RARA: variants seen among roughly 807,000 people sequenced by gnomAD.
The protein encoded by RARA is PML-DDX5-RARA fusion.
RARA carries 5 observed loss-of-function variants against 42.8 expected under a neutral mutation model. The ratio of observed to expected loss-of-function variants is 0.12; its 90% CI spans 0.06 to 0.25. RARA has a LOEUF of 0.25. Among genes scored for constraint, RARA ranks in the 10% least tolerant of loss-of-function variants. The probability of loss-of-function intolerance (pLI) is 1.00; values close to 1 mark genes in which losing one functional copy is unlikely to be tolerated. For missense variants in RARA, 402 were observed against 628.7 expected (o/e 0.64, Z 3.86); for synonymous variants, 256 against 259.5 (o/e 0.99, Z 0.13).
chr17:40,355,335 A>G lies in RARA; in HGVS notation c.1085A>G (p.Tyr362Cys). The G allele has an allele frequency of 6.2e-7, 1 of 1,612,688 alleles. No homozygotes were observed. The highest frequency in any genetic ancestry group is 8.5e-7 in the Non-Finnish European group (1 of 1,179,430). Residue 362 changes from tyrosine to cysteine, a missense_variant, in exon 8 of 9, where the codon TAC (tyrosine) becomes TGC (cysteine). This residue lies in a region of RARA where 104 missense variants were observed against 160.1 expected (regional missense o/e 0.65). Transcript: ENST00000254066. The surrounding 1 kb of genome is among the most constrained non-coding windows in gnomAD (Gnocchi z 4.1). Reference protein sequence around the residue: ...QEPLLEALKVYVRKRRPSRPH... With the variant: ...QEPLLEALKVCVRKRRPSRPH... ...CCGCTGCTGGAGGCGCTAAAGGTCT[A>G]CGTGCGGAAGCGGAGGCCCAGCCGC... is the stretch of plus-strand genomic sequence containing the variant.
intron 1 of RARA, among the ~76,000 whole-genome samples, chr17:40,316,600 G>A (rs2033218607): frequency 6.6e-6 from 1 of 152,222 alleles, no homozygotes; most frequent in African/African-American, 2.4e-5. Flanking sequence ...GGAGGTGTCC[G>A]TGGGCACTAG....
At chr17:40,348,651 A>G in intron 3 of RARA, 187 bp downstream of exon 3, 1 of 653,742 alleles carries the variant, frequency 1.5e-6, no homozygotes, top group South Asian at 2.6e-5. Context: ...ATAAATGTGC[A>G]GGGCTCCCTC....
chr17:40,354,579 C>T lies in RARA; in HGVS notation c.1012+73C>T, dbSNP rs935298308. Reference sequence around the variant, plus strand: ...GCCCTGGAGTCTCTTCCAGGGAGCTCTTTCAGGCCACCTCTGTTAGGTATC... The same window carrying T: ...GCCCTGGAGTCTCTTCCAGGGAGCTTTTTCAGGCCACCTCTGTTAGGTATC... On this transcript the variant is annotated intron_variant, in intron 7 of 8. Coordinates refer to ENST00000254066, the MANE Select transcript of RARA (RefSeq NM_000964.4). The surrounding 1 kb of genome is among the most constrained non-coding windows in gnomAD (Gnocchi z 4.5). The T allele has an allele frequency of 1.3e-6, 2 of 1,518,682 alleles. No individual in the cohort carries two copies. The highest frequency in any genetic ancestry group is 1.8e-6 in the Non-Finnish European group (2 of 1,115,364). 94.1% of individuals were successfully genotyped at this position (1,518,682 alleles called of 1,614,324 possible).
chr17:40,331,456 G>A (rs1192486242), intron 2 of RARA, 60 bp downstream of exon 2: 2 of 1,549,668 alleles, frequency 1.3e-6, no homozygotes, highest in Non-Finnish European at 1.7e-6. Flanking sequence ...AGGCCTCAGA[G>A]CTTGGGCTCT....
At chr17:40,342,511 G>A (rs915633460) in intron 2 of RARA, 43 of 1,317,602 alleles carry the variant, frequency 3.3e-5, no homozygotes, top group Non-Finnish European at 4.1e-5. Flanking sequence ...GCTTTTCACC[G>A]GGACTGGCGG....
intron 1 of RARA, among the ~76,000 whole-genome samples, chr17:40,317,361 G>C (rs1454738326): frequency 6.6e-6 from 1 of 152,240 alleles, no homozygotes; most frequent in Non-Finnish European, 1.5e-5. Context: ...CCCAAACAGA[G>C]CTGCAGGCTG....
rs1400695642 is a variant in RARA at position 40,351,424 on chromosome 17, C to G, written c.470-486C>G. The G allele has an allele frequency of 2.2e-6, 1 of 461,996 alleles. No individual in the cohort carries two copies. Among genetic ancestry groups the G allele is most frequent in the African/African-American group, 2.0e-5 (1 of 49,624 alleles). The allele number at this position is 461,996 out of a possible 1,614,324, so 28.6% of individuals were successfully genotyped here. On this transcript the variant is annotated intron_variant, in intron 4 of 8. Coordinates refer to ENST00000254066, the MANE Select transcript of RARA (RefSeq NM_000964.4). This position sits in a 1 kb window ranked among gnomAD's most constrained non-coding sequence, Gnocchi z 4.1. ...CTAATGGGCCAAGAGATTCTCCCCG[C>G]CAGGTCCCCCACTCTCAGGCTGGGG...
At chr17:40,339,649 C>G (rs1400805777) in intron 2 of RARA, among the ~76,000 whole-genome samples, 1 of 152,178 alleles carries the variant, frequency 6.6e-6, no homozygotes, top group Non-Finnish European at 1.5e-5. Flanking sequence ...AGATGTTCCC[C>G]CTTGCTTGCC....
rs147971091 is a variant in RARA, at chr17:40,354,484, C to T, written c.990C>T (p.Ser330=). Residue 330 remains serine, a synonymous_variant, in exon 7 of 9, where the codon AGC becomes AGT. Transcript: ENST00000254066. This position sits in a 1 kb window ranked among gnomAD's most constrained non-coding sequence, Gnocchi z 4.5. ...EMDDAETGLL[S]AICLICGDRQ... ...ATGATGCGGAGACGGGGCTGCTCAGCGCCATCTGCCTCATCTGCGGAGGTG... is the reference window on the plus strand; with the variant it reads ...ATGATGCGGAGACGGGGCTGCTCAGTGCCATCTGCCTCATCTGCGGAGGTG... 203 of 1,613,442 alleles carry T rather than the reference C, an allele frequency of 1.3e-4. No individual in the cohort carries two copies. Among genetic ancestry groups the T allele is most frequent in the Middle Eastern group, 1.6e-4 (1 of 6,084 alleles).
At chr17:40,327,197 TTTCTC>T (rs1310207509) in intron 1 of RARA, among the ~76,000 whole-genome samples, 1 of 152,112 alleles carries the variant, frequency 6.6e-6, no homozygotes, top group African/African-American at 2.4e-5. Flanking sequence ...TGGCTGTGGT[TTTCTC>T]TTCTCTGGGA....
chr17:40,334,446 T>C (rs909984749), intron 2 of RARA, among the ~76,000 whole-genome samples: 1 of 152,220 alleles, frequency 6.6e-6, no homozygotes, highest in Non-Finnish European at 1.5e-5. Flanking sequence ...GGTGTGGCCA[T>C]GGGTCTGAGG....
At chr17:40,344,529 C>G (rs1278471533) in intron 2 of RARA, among the ~76,000 whole-genome samples, 1 of 152,126 alleles carries the variant, frequency 6.6e-6, no homozygotes, top group Non-Finnish European at 1.5e-5. Context: ...CTTCTTAGCC[C>G]ATGGGGACAG....
At chr17:40,350,831 C>T (rs952188283) in intron 4 of RARA, among the ~76,000 whole-genome samples, 1 of 151,960 alleles carries the variant, frequency 6.6e-6, no homozygotes, top group African/African-American at 2.4e-5. Context: ...GTGGCTCCTG[C>T]TGCAAGAGTG....
chr17:40,341,150 G>A (rs1365436714), intron 2 of RARA: 7 of 437,442 alleles, frequency 1.6e-5, no homozygotes, highest in Non-Finnish European at 1.2e-5. Flanking sequence ...CCAGTGAAAC[G>A]TGCATCCCGA....
In RARA at chr17:40,355,510, G is replaced by A. The variant is rs2143542048; in HGVS notation, c.1171+89G>A. On this transcript the variant is annotated intron_variant, in intron 8 of 8. Coordinates refer to ENST00000254066, the MANE Select transcript of RARA (RefSeq NM_000964.4). The surrounding 1 kb of genome is among the most constrained non-coding windows in gnomAD (Gnocchi z 4.1). ...GCCAGCACCCCATGTCTTTGTGCCA[G>A]GACAATACGACACCTGTCCCCATCT... 2 of 1,475,168 alleles carry A rather than the reference G, an allele frequency of 1.4e-6. No individual in the cohort carries two copies. Among genetic ancestry groups the A allele is most frequent in the Non-Finnish European group, 1.8e-6 (2 of 1,097,406 alleles). The allele number at this position is 1,475,168 out of a possible 1,614,324, so 91.4% of individuals were successfully genotyped here.
chr17:40,316,975 T>C (rs1044691153), intron 1 of RARA, among the ~76,000 whole-genome samples: 1 of 152,248 alleles, frequency 6.6e-6, no homozygotes, highest in African/African-American at 2.4e-5. Context: ...GGTCCCGCCA[T>C]CCTGGCTTGT....
chr17:40,329,237 C>T (rs2033625906), intron 1 of RARA, among the ~76,000 whole-genome samples: 1 of 151,846 alleles, frequency 6.6e-6, no homozygotes, highest in African/African-American at 2.4e-5. Flanking sequence ...AATTCTCGTG[C>T]ATCAGCCTCC....
chr17:40,323,049 G>A (rs751663251), intron 1 of RARA: 1 of 152,256 alleles, frequency 6.6e-6, no homozygotes, highest in Non-Finnish European at 1.5e-5. Context: ...TTGTGGGGAA[G>A]GAGCTACCCC....
chr17:40,310,478 C>T (rs559907651), intron 1 of RARA, among the ~76,000 whole-genome samples: 4 of 152,154 alleles, frequency 2.6e-5, no homozygotes, highest in Non-Finnish European at 4.4e-5. Flanking sequence ...GTGGCATGTC[C>T]CCATCTGGTA....
Sources: allele counts gnomAD v4.1 joint callset (sites outside exome capture counted in the v4.1 genomes callset), GRCh38; gene constraint gnomAD v4.1.1; regional missense constraint gnomAD v4.1.1; non-coding constraint Gnocchi (gnomAD v3.1); transcripts MANE v1.5; gene names NCBI Gene and HGNC (gene_info 2026-07-23, HGNC 2026-07-21).